CPS1: variants seen among roughly 807,000 people sequenced by gnomAD.
CPS1 encodes carbamoyl-phosphate synthase [ammonia], mitochondrial.
CPS1 carries 109 observed loss-of-function variants against 174.6 expected under a neutral mutation model. The ratio of observed to expected loss-of-function variants is 0.62; its 90% CI spans 0.53 to 0.73. The LOEUF (loss-of-function observed/expected upper bound fraction) is 0.73. CPS1 is among the 30% of genes least tolerant of loss of function. CPS1 has a pLI of 0.00. For missense variants in CPS1, 1,689 were observed against 1,821.9 expected (o/e 0.93, Z 1.33); for synonymous variants, 637 against 632.0 (o/e 1.01, Z -0.12).
chr2:210,515,633 A>T (rs1248581321), intron 1 of CPS1, among the ~76,000 whole-genome samples: 2 of 151,516 alleles, frequency 1.3e-5, no homozygotes, highest in Non-Finnish European at 3.0e-5. Flanking sequence ...GATCTTGTTT[A>T]TTCTTTCAAA....
chr2:210,492,106 A>T (rs1436480069), intron 1 of CPS1, among the ~76,000 whole-genome samples: 1 of 152,254 alleles, frequency 6.6e-6, no homozygotes, highest in Non-Finnish European at 1.5e-5. Context: ...GTTAGACTTC[A>T]CTATCCCTCC....
intron 25 of CPS1, 76 bp from the exon 26 acceptor site, chr2:210,647,787 T>A: frequency 3.4e-6 from 5 of 1,491,328 alleles, no homozygotes; most frequent in Non-Finnish European, 4.7e-6. Flanking sequence ...AGTAAGGAAA[T>A]AGACACAATA....
At position 210,512,969 on chromosome 2, in the gene CPS1, GAT is replaced by G. The variant is rs1185550331; in HGVS notation, c.3+35214_3+35215del. ...ATATATATGGAGATATATATATGGA[GAT>G]ATATATATATGGAGAGATATATATA... is the stretch of plus-strand genomic sequence containing the variant. On this transcript the variant is annotated intron_variant, in intron 1 of 38. Transcript: ENST00000430249. Among the ~76,000 whole-genome samples the G allele has an allele frequency of 2.9e-4, 9 of 31,310 alleles. 2 individuals carry two copies. The highest frequency in any genetic ancestry group is 3.1e-3 in the South Asian group (2 of 648). The allele number at this position is 31,310 out of a possible 152,430, so 20.5% of individuals were successfully genotyped here. A position where few individuals can be genotyped will look rare whatever the true frequency, so the allele number is the denominator to read the frequency against.
At chr2:210,611,078 C>T (rs1699102405) in intron 19 of CPS1, among the ~76,000 whole-genome samples, 1 of 151,894 alleles carries the variant, frequency 6.6e-6, no homozygotes, top group African/African-American at 2.4e-5. Context: ...TTGTCTAACT[C>T]TTCAAGATAC....
chr2:210,563,573 T>C (rs1401764356), intron 1 of CPS1, among the ~76,000 whole-genome samples: 1 of 152,186 alleles, frequency 6.6e-6, no homozygotes, highest in East Asian at 1.9e-4. Flanking sequence ...GTTTTCCATC[T>C]TGATATAAAA....
chr2:210,576,543 ACTTATT>A (rs1697719587), intron 3 of CPS1, 53 bp downstream of exon 3: 1 of 1,605,258 alleles, frequency 6.2e-7, no homozygotes, highest in African/African-American at 1.3e-5. Context: ...AGTATAGTTG[ACTTATT>A]CTTAAGAATT....
intron 21 of CPS1, among the ~76,000 whole-genome samples, chr2:210,629,821 C>T (rs1468792805): frequency 2.0e-5 from 3 of 148,494 alleles, no homozygotes; most frequent in African/African-American, 4.9e-5. Context: ...GAGGCTGAGG[C>T]GGGCAGATCA....
chr2:210,543,884 G>T (rs1696495184), intron 1 of CPS1, among the ~76,000 whole-genome samples: 1 of 152,012 alleles, frequency 6.6e-6, no homozygotes, highest in African/African-American at 2.4e-5. Context: ...CGTCAAGAAA[G>T]AATCACTTCC....
chr2:210,517,317 C>T (rs1695708666), intron 1 of CPS1, among the ~76,000 whole-genome samples: 1 of 151,932 alleles, frequency 6.6e-6, no homozygotes, highest in African/African-American at 2.4e-5. Context: ...GGTCTCCAAA[C>T]CAGAGAGCTA....
intron 1 of CPS1, among the ~76,000 whole-genome samples, chr2:210,505,439 C>T (rs1695251761): frequency 6.6e-6 from 1 of 152,044 alleles, no homozygotes; most frequent in Non-Finnish European, 1.5e-5. Context: ...AGGAACAGCT[C>T]CAGTCTACTG....
At position 210,591,894 on chromosome 2, in the gene CPS1, T is replaced by A; in HGVS notation, c.1011T>A (p.His337Gln). ...NKQAFITAQN[H>Q]GYALDNTLPA... Reference sequence around the variant, plus strand: ...AGGCTTTCATTACTGCTCAGAATCATGGCTATGCCTTGGACAACACCCTCC... The same window carrying A: ...AGGCTTTCATTACTGCTCAGAATCAAGGCTATGCCTTGGACAACACCCTCC... The change falls in exon 10 of 38, where the codon CAT (histidine) becomes CAA (glutamine). Residue 337 changes from histidine to glutamine, a missense_variant. His to Gln is a conservative substitution (Grantham distance 24). Transcript: ENST00000233072. 7 of 1,612,580 alleles carry A rather than the reference T, an allele frequency of 4.3e-6. No homozygotes were observed. The highest frequency in any genetic ancestry group is 5.9e-6 in the Non-Finnish European group (7 of 1,179,098).
chr2:210,510,796 G>T (rs1262829959), intron 1 of CPS1, among the ~76,000 whole-genome samples: 3 of 152,152 alleles, frequency 2.0e-5, no homozygotes, highest in African/African-American at 4.8e-5. Flanking sequence ...ATCATCACTG[G>T]CCATCAGAGA....
chr2:210,661,780 G>A (rs1373838729), intron 32 of CPS1, among the ~76,000 whole-genome samples: 1 of 151,882 alleles, frequency 6.6e-6, no homozygotes, highest in Non-Finnish European at 1.5e-5. Context: ...TTTTCCACTG[G>A]AGATTCTATA....
intron 37 of CPS1, 84 bp downstream of exon 37, chr2:210,677,220 TC>T (rs1420383447): frequency 3.2e-5 from 42 of 1,304,570 alleles, no homozygotes; most frequent in Admixed American, 1.7e-5. Context: ...GATGCACATC[TC>T]TCTTTTCCCC....
At chr2:210,620,825 T>G (rs1394588338) in intron 21 of CPS1, among the ~76,000 whole-genome samples, 1 of 151,958 alleles carries the variant, frequency 6.6e-6, no homozygotes, top group Non-Finnish European at 1.5e-5. Context: ...TCTCCAACAC[T>G]GGGGATTAAA....
chr2:210,604,961 G>A (rs1698854094), intron 16 of CPS1, 141 bp from the exon 17 acceptor site: 3 of 812,738 alleles, frequency 3.7e-6, no homozygotes, highest in Non-Finnish European at 6.0e-6. Flanking sequence ...GACACATTGT[G>A]CCTTCTGTGC....
chr2:210,592,109 C>A, intron 10 of CPS1, 140 bp downstream of exon 10: 1 of 967,296 alleles, frequency 1.0e-6, no homozygotes, highest in Non-Finnish European at 1.5e-6. Flanking sequence ...ATGATCAAAT[C>A]ACACTAGGAT....
intron 19 of CPS1, among the ~76,000 whole-genome samples, chr2:210,608,984 T>C (rs1203550154): frequency 3.3e-5 from 5 of 151,928 alleles, no homozygotes; most frequent in Non-Finnish European, 7.4e-5. Context: ...TTCATGCAAA[T>C]TGTGGCTCTA....
intron 29 of CPS1, among the ~76,000 whole-genome samples, chr2:210,655,230 C>T (rs972496829): frequency 2.6e-5 from 4 of 152,128 alleles, no homozygotes; most frequent in Admixed American, 2.0e-4. Context: ...ATAAGAGGAA[C>T]GTGATACCTA....
Sources: allele counts gnomAD v4.1 joint callset (sites outside exome capture counted in the v4.1 genomes callset), GRCh38; gene constraint gnomAD v4.1.1; transcripts MANE v1.5; gene names NCBI Gene and HGNC (gene_info 2026-07-23, HGNC 2026-07-21).